The following TMPRSS11A variants were observed in gnomAD, a reference collection of about 807,000 sequenced individuals.
TMPRSS11A encodes the protein transmembrane serine protease 11A, also known as transmembrane protease serine 11A.
Under a neutral mutation model 58.9 loss-of-function variants are expected in TMPRSS11A, and 53 were observed. That is an observed-to-expected ratio of 0.90 (90% CI 0.72 to 1.13). The LOEUF is 1.13. Ranked by LOEUF, TMPRSS11A falls within the 50% of genes most tolerant of loss-of-function variation. The pLI is 0.00. For synonymous variants in TMPRSS11A, 167 were observed against 169.8 expected (o/e 0.98, Z 0.13); for missense variants, 493 against 499.3 (o/e 0.99, Z 0.12).
intron 5 of TMPRSS11A, 81 bp from the exon 6 acceptor site, chr4:67,924,247 C>G: frequency 8.6e-7 from 1 of 1,163,326 alleles, no homozygotes; most frequent in Non-Finnish European, 1.3e-6. Flanking sequence ...TCAGAGGATA[C>G]TGACCATATA....
At chr4:67,945,701 C>A (rs866307180) in intron 2 of TMPRSS11A, among the ~76,000 whole-genome samples, 1 of 152,072 alleles carries the variant, frequency 6.6e-6, no homozygotes, top group African/African-American at 2.4e-5. Context: ...CAGATAAGAG[C>A]GTTAAAGTGA....
chr4:67,955,532 A>T (rs73823389), intron 1 of TMPRSS11A, among the ~76,000 whole-genome samples: 2,033 of 152,354 alleles, frequency 0.013, 51 homozygotes, highest in African/African-American at 0.047. Flanking sequence ...AGGGTCCTGT[A>T]CAACATAAAT....
intron 1 of TMPRSS11A, among the ~76,000 whole-genome samples, chr4:67,950,106 C>T (rs1444431181): frequency 6.6e-6 from 1 of 152,168 alleles, no homozygotes; most frequent in African/African-American, 2.4e-5. Context: ...CAAAGCAACA[C>T]CTATTTATTA....
intron 3 of TMPRSS11A, among the ~76,000 whole-genome samples, chr4:67,939,082 A>G (rs1050228276): frequency 6.6e-6 from 1 of 151,918 alleles, no homozygotes; most frequent in Admixed American, 6.6e-5. Flanking sequence ...GTCATCTCCG[A>G]TTTCTTTCAA....
At chr4:67,922,149 G>A (rs353160) in intron 7 of TMPRSS11A, among the ~76,000 whole-genome samples, 13,950 of 152,212 alleles carry the variant, frequency 0.092, 841 homozygotes, top group African/African-American at 0.16. Context: ...AGTGGCCCAA[G>A]GGCCTCTATG....
At chr4:67,930,130 C>T in intron 4 of TMPRSS11A, 90 bp from the exon 5 acceptor site, 1 of 1,232,422 alleles carries the variant, frequency 8.1e-7, no homozygotes, top group South Asian at 1.7e-5. Flanking sequence ...CTGAATGATC[C>T]CTCAGTTGCT....
intron 3 of TMPRSS11A, among the ~76,000 whole-genome samples, chr4:67,938,013 C>T (rs945520585): frequency 2.0e-5 from 3 of 152,106 alleles, no homozygotes; most frequent in African/African-American, 7.2e-5. Flanking sequence ...AACCCATTTA[C>T]GTTTCCAACA....
At chr4:67,912,047 A>T (rs1053299405) in intron 9 of TMPRSS11A, among the ~76,000 whole-genome samples, 2 of 152,192 alleles carry the variant, frequency 1.3e-5, no homozygotes, top group Non-Finnish European at 2.9e-5. Flanking sequence ...ACCAGTGTGT[A>T]AATTTTATTA....
At chr4:67,933,694 T>A (rs1720685239) in intron 3 of TMPRSS11A, among the ~76,000 whole-genome samples, 1 of 152,200 alleles carries the variant, frequency 6.6e-6, no homozygotes, top group Non-Finnish European at 1.5e-5. Context: ...AGGGTGACTT[T>A]GTTATAACAA....
chr4:67,926,033 G>A (rs1054646358), intron 5 of TMPRSS11A, among the ~76,000 whole-genome samples: 3 of 152,138 alleles, frequency 2.0e-5, no homozygotes, highest in Admixed American at 6.5e-5. Flanking sequence ...CTCCTAACAC[G>A]GTTCTGAGTT....
chr4:67,960,990 T>C (rs961751790), intron 1 of TMPRSS11A, among the ~76,000 whole-genome samples: 2 of 152,226 alleles, frequency 1.3e-5, no homozygotes. Context: ...GGTACTTAAG[T>C]GAGTGAATCA....
chr4:67,960,840 T>G (rs1010346392), intron 1 of TMPRSS11A, among the ~76,000 whole-genome samples: 1 of 152,194 alleles, frequency 6.6e-6, no homozygotes, highest in Admixed American at 6.5e-5. Context: ...AAGAGGAGAA[T>G]TCTGATTTTT....
chr4:67,917,344 C>G (rs1327986969), intron 8 of TMPRSS11A, among the ~76,000 whole-genome samples: 3 of 151,908 alleles, frequency 2.0e-5, no homozygotes, highest in Non-Finnish European at 4.4e-5. Context: ...TTACAAATTT[C>G]TTCGAGATAT....
intron 8 of TMPRSS11A, among the ~76,000 whole-genome samples, chr4:67,916,899 A>G (rs983690893): frequency 5.3e-5 from 8 of 152,190 alleles, no homozygotes; most frequent in African/African-American, 1.9e-4. Flanking sequence ...CAATCTAAGT[A>G]TTGTAAGTAG....
In TMPRSS11A at chr4:67,946,256, T is replaced by A. The variant is rs372827639; in HGVS notation, c.133+194A>T. On this transcript the variant is annotated intron_variant, in intron 2 of 9. Transcript: ENST00000508048. Reference sequence around the variant, plus strand: ...TTTGCTTAAAGCTGTATCTTGAATATCCAGAAAAGTACTCACATATAATAA... The same window carrying A: ...TTTGCTTAAAGCTGTATCTTGAATAACCAGAAAAGTACTCACATATAATAA... 4.7e-4 allele frequency among the ~76,000 whole-genome samples: 72 copies of A among 152,268 alleles called. 1 individual carries two copies. The South Asian group carries it at 0.012, about 26-fold the overall frequency.
intron 3 of TMPRSS11A, among the ~76,000 whole-genome samples, chr4:67,936,513 T>A (rs1720758617): frequency 6.6e-6 from 1 of 152,112 alleles, no homozygotes; most frequent in African/African-American, 2.4e-5. Context: ...TTGGATCCAG[T>A]GTCATACAAG....
At chr4:67,949,022 A>G (rs1721093589) in intron 1 of TMPRSS11A, among the ~76,000 whole-genome samples, 1 of 152,124 alleles carries the variant, frequency 6.6e-6, no homozygotes, top group Non-Finnish European at 1.5e-5. Context: ...TACATATTCA[A>G]TTTGTTCAAC....
chr4:67,962,812 C>T (rs566378905), intron 1 of TMPRSS11A, among the ~76,000 whole-genome samples: 2 of 152,232 alleles, frequency 1.3e-5, no homozygotes, highest in Non-Finnish European at 2.9e-5. Context: ...TTCTTCAAAA[C>T]GTAATAGGAA....
chr4:67,938,595 T>C (rs1433766773), intron 3 of TMPRSS11A, among the ~76,000 whole-genome samples: 1 of 152,134 alleles, frequency 6.6e-6, no homozygotes, highest in Non-Finnish European at 1.5e-5. Context: ...TTGTATTTAG[T>C]GATAGGAGTC....
Sources: allele counts gnomAD v4.1 joint callset (sites outside exome capture counted in the v4.1 genomes callset), GRCh38; gene constraint gnomAD v4.1.1; transcripts MANE v1.5; gene names NCBI Gene and HGNC (gene_info 2026-07-23, HGNC 2026-07-21).